Variants in RASGEF1B observed in about 807,000 individuals in gnomAD.
RASGEF1B encodes ras-GEF domain-containing family member 1B.
In RASGEF1B, 30 loss-of-function variants were observed where a neutral mutation model predicts 65.7. That is an observed-to-expected ratio of 0.46 (90% CI 0.34 to 0.62). RASGEF1B has a LOEUF of 0.62. Ranked by LOEUF, RASGEF1B falls within the 20% of genes least tolerant of loss-of-function variation. The pLI is 0.01. For synonymous variants in RASGEF1B, 175 were observed against 194.8 expected (o/e 0.90, Z 0.85); for missense variants, 495 against 580.1 (o/e 0.85, Z 1.51).
chr4:81,450,844 C>G (rs1004550177), intron 4 of RASGEF1B: 1 of 152,158 alleles, frequency 6.6e-6, no homozygotes, highest in Non-Finnish European at 1.5e-5. Context: ...GCCTGGGTAA[C>G]AAAGTGAGAA....
chr4:81,449,391 A>C (rs938759070), intron 4 of RASGEF1B, among the ~76,000 whole-genome samples: 3 of 152,242 alleles, frequency 2.0e-5, no homozygotes, highest in Non-Finnish European at 4.4e-5. Context: ...CAACCTCCTG[A>C]CTTTTAAAAC....
At chr4:81,446,999 C>A (rs1390770344) in intron 6 of RASGEF1B, among the ~76,000 whole-genome samples, 1 of 152,144 alleles carries the variant, frequency 6.6e-6, no homozygotes, top group African/African-American at 2.4e-5. Flanking sequence ...ACAGTCCCTG[C>A]CCAGCATTAT....
chr4:81,448,678 C>T (rs1287165418), intron 4 of RASGEF1B, among the ~76,000 whole-genome samples: 6 of 152,218 alleles, frequency 3.9e-5, no homozygotes, highest in Non-Finnish European at 7.3e-5. Flanking sequence ...CAAGTCAATG[C>T]ATCCTTTTCC....
At chr4:81,437,219 T>G (rs1246686891) in intron 10 of RASGEF1B, among the ~76,000 whole-genome samples, 3 of 152,206 alleles carry the variant, frequency 2.0e-5, no homozygotes, top group Non-Finnish European at 2.9e-5. Context: ...GTCACACATT[T>G]TACATTTGTT....
chr4:81,470,956 T>C (rs62303603), intron 1 of RASGEF1B: 26,602 of 152,200 alleles, frequency 0.17, 2,482 homozygotes, highest in Non-Finnish European at 0.2. Context: ...AGCACTTAAG[T>C]TGTTTTCACA....
intron 13 of RASGEF1B, among the ~76,000 whole-genome samples, chr4:81,431,185 A>T (rs1354697844): frequency 6.6e-6 from 1 of 151,402 alleles, no homozygotes; most frequent in African/African-American, 2.4e-5. Context: ...ATACAAACAC[A>T]GAGTAATACA....
rs894193987 is a variant in RASGEF1B, at chr4:81,447,490, G to A, written c.729+14C>T. On this transcript the variant is annotated intron_variant, in intron 6 of 13. Transcript: ENST00000264400. ...TTTTTGGTTTCAGTGCTGACCTTTG[G>A]GTAGACTGATTACCTTGTCATTATC... is the stretch of plus-strand genomic sequence containing the variant. 9 of 1,607,090 alleles carry A rather than the reference G, an allele frequency of 5.6e-6. No individual in the cohort carries two copies. In the East Asian group the frequency reaches 8.9e-5, roughly 16 times the overall value.
At chr4:81,456,176 A>C in intron 4 of RASGEF1B, 1 of 336,032 alleles carries the variant, frequency 3.0e-6, no homozygotes, top group Non-Finnish European at 5.4e-6. Context: ...TCTCAACAGG[A>C]GCGTATTTAT....
intron 13 of RASGEF1B, among the ~76,000 whole-genome samples, chr4:81,430,700 A>G (rs970155823): frequency 1.1e-4 from 16 of 152,228 alleles, no homozygotes; most frequent in African/African-American, 3.1e-4. Flanking sequence ...TAGATGTCAT[A>G]TATTATGTGA....
Position 81,426,981 on chromosome 4 carries a change from C to CAA in RASGEF1B, c.*785_*786dup, listed in dbSNP as rs546907988. 300 of 34,268 alleles carry CAA rather than the reference C, an allele frequency of 8.8e-3. 40 individuals carry two copies. Among genetic ancestry groups the CAA allele is most frequent in the Middle Eastern group, 0.031 (1 of 32 alleles). The allele number at this position is 34,268 out of a possible 1,614,324, so 2.1% of individuals were successfully genotyped here. On this transcript the variant is annotated 3_prime_UTR_variant, in exon 14 of 14. Transcript: ENST00000264400. ...GTCAGTTGTAAACAGCTCAGAAGAGCAAAAAAAAAAAAAAAAAAAAAAAAA... is the reference window on the plus strand; with the variant it reads ...GTCAGTTGTAAACAGCTCAGAAGAGCAAAAAAAAAAAAAAAAAAAAAAAAAAA...
chr4:81,433,159 G>T (rs1354037093), intron 12 of RASGEF1B, among the ~76,000 whole-genome samples: 3 of 151,736 alleles, frequency 2.0e-5, no homozygotes, highest in African/African-American at 4.8e-5. Context: ...AGCCCAGGAG[G>T]TTGAGGCTGC....
chr4:81,445,805 A>C lies in RASGEF1B; in HGVS notation c.763T>G (p.Leu255Val), dbSNP rs749425620. 7 of 1,614,000 alleles carry C rather than the reference A, an allele frequency of 4.3e-6. No homozygotes were observed. In the Admixed American group the frequency reaches 1.0e-4, roughly 23 times the overall value. The change falls in exon 7 of 14, where the codon TTA becomes GTA. Residue 255 changes from leucine to valine, a missense_variant. Physicochemically the swap from Leu to Val is conservative, Grantham distance 32. Coordinates refer to ENST00000264400, the MANE Select transcript of RASGEF1B (RefSeq NM_152545.3). ...CYSERKKTRN[L>V]EAYVEWFNRL... ...TTAAACCATTCCACGTAAGCTTCTA[A>C]GTTTCGTGTTTTCTTCCGTTCACTG...
At position 81,429,658 on chromosome 4, in the gene RASGEF1B, CT is replaced by C. The variant is rs569463151; in HGVS notation, c.1398-1867del. On this transcript the variant is annotated intron_variant, in intron 13 of 13. Transcript: ENST00000264400. Reference sequence around the variant, plus strand: ...TAGCTGGACGTGGTGAGGAACACATCTGCTGAAGAAGACGCAAGTGGCGAGT... The same window carrying C: ...TAGCTGGACGTGGTGAGGAACACATCGCTGAAGAAGACGCAAGTGGCGAGT... 6.6e-5 allele frequency among the ~76,000 whole-genome samples: 10 copies of C among 152,338 alleles called. No homozygotes were observed. The South Asian group carries it at 2.1e-3, about 32-fold the overall frequency.
chr4:81,460,088 A>T (rs1040733486), intron 1 of RASGEF1B, among the ~76,000 whole-genome samples: 2 of 152,216 alleles, frequency 1.3e-5, no homozygotes, highest in Non-Finnish European at 2.9e-5. Flanking sequence ...TTCAGTTTTC[A>T]CTGAAAGATC....
At chr4:81,459,236 C>A in intron 2 of RASGEF1B, 96 bp downstream of exon 2, 2 of 916,658 alleles carry the variant, frequency 2.2e-6, no homozygotes, top group East Asian at 2.7e-5. Flanking sequence ...TCTTAGCAAC[C>A]TAGATATAAT....
At chr4:81,443,836 T>A (rs1721930515) in intron 8 of RASGEF1B, among the ~76,000 whole-genome samples, 1 of 152,248 alleles carries the variant, frequency 6.6e-6, no homozygotes, top group Non-Finnish European at 1.5e-5. Context: ...TTTAACCTTA[T>A]AAGAAATTGC....
chr4:81,439,155 T>C (rs996530624), intron 10 of RASGEF1B, among the ~76,000 whole-genome samples: 2 of 152,156 alleles, frequency 1.3e-5, no homozygotes, highest in Non-Finnish European at 2.9e-5. Context: ...CCTTGACGAA[T>C]TGCCACACTG....
In RASGEF1B at chr4:81,441,242, G is replaced by C. The variant is rs535534425; in HGVS notation, c.1009-313C>G. On this transcript the variant is annotated intron_variant, in intron 9 of 13. Transcript: ENST00000264400. ...AACACCAGCATCAGAAAAATTTCCT[G>C]TTTGCATCTGAAGGTCAACGGGCCC... is the stretch of plus-strand genomic sequence containing the variant. 7.9e-5 allele frequency among the ~76,000 whole-genome samples: 12 copies of C among 152,228 alleles called. No individual in the cohort carries two copies. The East Asian group carries it at 1.2e-3, about 15-fold the overall frequency.
In RASGEF1B at chr4:81,445,759, G is replaced by A; in HGVS notation, c.809C>T (p.Ala270Val). The change falls in exon 7 of 14, where the codon GCT (alanine) becomes GTT (valine). Residue 270 changes from alanine to valine, a missense_variant. Ala to Val is a moderately conservative substitution (Grantham distance 64, BLOSUM62 0). Transcript: ENST00000264400. ...TTTCCTCACCATACAGATTTCTGTA[G>A]CAACCAAGTAGCTGAGGCGATTAAA... ...EWFNRLSYLV[A>V]TEICMPVKKK... 2 of 1,613,682 alleles carry A rather than the reference G, an allele frequency of 1.2e-6. No homozygotes were observed. The highest frequency in any genetic ancestry group is 1.7e-6 in the Non-Finnish European group (2 of 1,179,636).
Sources: allele counts gnomAD v4.1 joint callset (sites outside exome capture counted in the v4.1 genomes callset), GRCh38; gene constraint gnomAD v4.1.1; transcripts MANE v1.5; gene names NCBI Gene and HGNC (gene_info 2026-07-23, HGNC 2026-07-21).